GLRB: variants seen among roughly 807,000 people sequenced by gnomAD.
The protein encoded by GLRB is glycine receptor beta.
GLRB carries 33 observed loss-of-function variants against 54.2 expected under a neutral mutation model. The observed-to-expected ratio is 0.61, with a 90% CI of 0.46 to 0.81. The LOEUF is 0.81. GLRB is among the 40% of genes least tolerant of loss of function. The probability of loss-of-function intolerance (pLI) is 0.00; values close to 1 mark genes in which losing one functional copy is unlikely to be tolerated. For synonymous variants in GLRB, 209 were observed against 208.2 expected (o/e 1.00, Z -0.03); for missense variants, 572 against 584.6 (o/e 0.98, Z 0.22).
intron 1 of GLRB, chr4:157,076,703 TA>T (rs912864383): frequency 2.0e-5 from 3 of 152,650 alleles, no homozygotes; most frequent in African/African-American, 7.2e-5. Context: ...TTCGAAGCGT[TA>T]GGGGGGCTCG....
In GLRB at chr4:157,078,162, C is replaced by G. The variant is rs757320151; in HGVS notation, c.122+16C>G. On this transcript the variant is annotated intron_variant, in intron 2 of 9. Coordinates refer to ENST00000264428, the MANE Select transcript of GLRB (RefSeq NM_000824.5). Reference sequence around the variant, plus strand: ...TATGCCCATCGTATGTTCTTCATGTCTTATATTCTTATATGGAGAAATGTT... The same window carrying G: ...TATGCCCATCGTATGTTCTTCATGTGTTATATTCTTATATGGAGAAATGTT... 4 of 1,610,136 alleles carry G rather than the reference C, an allele frequency of 2.5e-6. No individual in the cohort carries two copies. In the African/African-American group the frequency reaches 5.3e-5, roughly 22 times the overall value.
At chr4:157,118,628 A>G (rs976221808) in intron 2 of GLRB, among the ~76,000 whole-genome samples, 8 of 151,532 alleles carry the variant, frequency 5.3e-5, no homozygotes, top group African/African-American at 9.7e-5. Context: ...CTGAATTTCT[A>G]TTTGAAAGGG....
intron 2 of GLRB, among the ~76,000 whole-genome samples, chr4:157,112,090 C>G (rs78730224): frequency 0.043 from 6,460 of 150,728 alleles, 138 homozygotes; most frequent in African/African-American, 0.059. Context: ...TTTTTTTTAA[C>G]CATAAACTCT....
At chr4:157,098,717 T>A (rs1218384663) in intron 2 of GLRB, among the ~76,000 whole-genome samples, 1 of 152,082 alleles carries the variant, frequency 6.6e-6, no homozygotes. Context: ...GCAATTCCCC[T>A]GCCTCAGCCT....
chr4:157,133,263 T>C (rs991175768), intron 4 of GLRB, among the ~76,000 whole-genome samples: 7 of 151,896 alleles, frequency 4.6e-5, no homozygotes, highest in African/African-American at 1.7e-4. Flanking sequence ...GAGTATCTCC[T>C]TTAATTCTTA....
intron 9 of GLRB, among the ~76,000 whole-genome samples, chr4:157,153,340 A>G (rs1359919464): frequency 6.6e-6 from 1 of 152,090 alleles, no homozygotes; most frequent in East Asian, 1.9e-4. Flanking sequence ...AGACCTTCCT[A>G]TTGTTTCTCA....
At position 157,120,678 on chromosome 4, in the gene GLRB, A is replaced by G. The variant is rs1735783861; in HGVS notation, c.229+16A>G. 8.8e-7 allele frequency: 1 copy of G among 1,137,606 alleles called. No individual in the cohort carries two copies. The highest frequency in any genetic ancestry group is 1.5e-5 in the African/African-American group (1 of 65,408). 70.5% of individuals were successfully genotyped at this position (1,137,606 alleles called of 1,614,324 possible). A position where few individuals can be genotyped will look rare whatever the true frequency, so the allele number is the denominator to read the frequency against. ...AACTTCAAAGGTTTGTCTCCCCCATATAAATGTTCATTTTTATTGTTTAAA... is the reference window on the plus strand; with the variant it reads ...AACTTCAAAGGTTTGTCTCCCCCATGTAAATGTTCATTTTTATTGTTTAAA... On this transcript the variant is annotated intron_variant, in intron 3 of 9. Coordinates refer to ENST00000264428, the MANE Select transcript of GLRB (RefSeq NM_000824.5).
chr4:157,104,383 A>T (rs1168355575), intron 2 of GLRB, among the ~76,000 whole-genome samples: 1 of 152,080 alleles, frequency 6.6e-6, no homozygotes, highest in East Asian at 1.9e-4. Flanking sequence ...ATGTTGAACT[A>T]TCCTTGTATC....
intron 8 of GLRB, among the ~76,000 whole-genome samples, chr4:157,149,820 T>C (rs561496999): frequency 1.1e-4 from 17 of 152,186 alleles, no homozygotes; most frequent in African/African-American, 4.1e-4. Flanking sequence ...TGTCTCTGCC[T>C]TCCATTTCTT....
chr4:157,160,009 G>A (rs1290723613), intron 9 of GLRB, among the ~76,000 whole-genome samples: 2 of 152,164 alleles, frequency 1.3e-5, no homozygotes, highest in Non-Finnish European at 2.9e-5. Context: ...CTCAATTTCA[G>A]AATCTGCTAT....
Position 157,143,936 on chromosome 4 carries a change from C to T in GLRB, c.881C>T (p.Ala294Val), listed in dbSNP as rs1240723923. Residue 294 changes from alanine to valine, a missense_variant, in exon 8 of 10, where the codon GCG becomes GTG. Coordinates refer to ENST00000264428, the MANE Select transcript of GLRB (RefSeq NM_000824.5). The stretch of plus-strand genomic sequence containing the variant: ...CTTTCCTTCTGGATCAACCCGGACG[C>T]GAGTGCTGCCAGAGTGCCCCTGGGT... ...SWLSFWINPDASAARVPLGIF... is the reference protein window; with the variant it reads ...SWLSFWINPDVSAARVPLGIF... The T allele has an allele frequency of 2.2e-5, 35 of 1,613,906 alleles. No individual in the cohort carries two copies. Among genetic ancestry groups the T allele is most frequent in the Non-Finnish European group, 2.6e-5 (31 of 1,179,986 alleles).
intron 9 of GLRB, among the ~76,000 whole-genome samples, chr4:157,169,440 T>A (rs909333013): frequency 4.6e-5 from 7 of 152,132 alleles, no homozygotes; most frequent in Admixed American, 1.3e-4. Context: ...GCATAAAATA[T>A]AATTGTCCTT....
chr4:157,159,218 A>G (rs1737367736), intron 9 of GLRB, among the ~76,000 whole-genome samples: 2 of 152,194 alleles, frequency 1.3e-5, no homozygotes, highest in Non-Finnish European at 2.9e-5. Context: ...TTATCAGCTT[A>G]AGGAGATTTT....
chr4:157,143,447 T>C (rs1477830569), intron 7 of GLRB, among the ~76,000 whole-genome samples: 2 of 152,010 alleles, frequency 1.3e-5, no homozygotes, highest in African/African-American at 4.8e-5. Context: ...TACTACTGCC[T>C]GTATGACTCC....
At chr4:157,153,462 C>A (rs770792848) in intron 9 of GLRB, among the ~76,000 whole-genome samples, 10 of 152,138 alleles carry the variant, frequency 6.6e-5, no homozygotes, top group African/African-American at 2.4e-4. Flanking sequence ...CCACCATTCC[C>A]CATTACATTA....
intron 9 of GLRB, among the ~76,000 whole-genome samples, chr4:157,156,529 A>C (rs1047673664): frequency 1.3e-5 from 2 of 151,966 alleles, no homozygotes; most frequent in Non-Finnish European, 2.9e-5. Flanking sequence ...GACGCCCTTT[A>C]TTTCTTTCTC....
At chr4:157,084,166 A>G (rs1447044774) in intron 2 of GLRB, among the ~76,000 whole-genome samples, 1 of 152,220 alleles carries the variant, frequency 6.6e-6, no homozygotes, top group Non-Finnish European at 1.5e-5. Flanking sequence ...CTCATAGCCG[A>G]CATAATAAGC....
intron 9 of GLRB, among the ~76,000 whole-genome samples, chr4:157,170,205 C>G (rs1737865417): frequency 6.6e-6 from 1 of 151,984 alleles, no homozygotes; most frequent in Non-Finnish European, 1.5e-5. Flanking sequence ...AATAACCAAT[C>G]AAAAGTTCAT....
At chr4:157,143,757 A>G (rs752990819) in intron 7 of GLRB, 50 bp from the exon 8 acceptor site, 17 of 1,571,476 alleles carry the variant, frequency 1.1e-5, no homozygotes, top group Non-Finnish European at 1.4e-5. Flanking sequence ...GATGTTTGCC[A>G]TTCTGTGTGG....
Sources: allele counts gnomAD v4.1 joint callset (sites outside exome capture counted in the v4.1 genomes callset), GRCh38; gene constraint gnomAD v4.1.1; transcripts MANE v1.5; gene names NCBI Gene and HGNC (gene_info 2026-07-23, HGNC 2026-07-21).